Variants in GRIN3A observed in about 807,000 individuals in gnomAD.
GRIN3A encodes glutamate receptor ionotropic, NMDA 3A.
In GRIN3A, 47 loss-of-function variants were observed where a neutral mutation model predicts 92.4. The observed-to-expected ratio is 0.51, with a 90% confidence interval of 0.40 to 0.65. The LOEUF (loss-of-function observed/expected upper bound fraction) is 0.65. Ranked by LOEUF, GRIN3A falls within the 30% of genes least tolerant of loss-of-function variation. The pLI, the probability that GRIN3A is intolerant of heterozygous loss-of-function variation, is 0.00. For synonymous variants in GRIN3A, 527 were observed against 540.6 expected (o/e 0.97, Z 0.35); for missense variants, 1,324 against 1,393.1 (o/e 0.95, Z 0.79).
intron 1 of GRIN3A, among the ~76,000 whole-genome samples, chr9:101,724,337 C>T (rs991939204): frequency 1.6e-4 from 25 of 152,208 alleles, no homozygotes; most frequent in Non-Finnish European, 3.2e-4. Context: ...CCCAGTACGC[C>T]CTCCGCAGCC....
intron 1 of GRIN3A, among the ~76,000 whole-genome samples, chr9:101,721,596 G>C (rs971108167): frequency 1.3e-5 from 2 of 152,110 alleles, no homozygotes; most frequent in Non-Finnish European, 2.9e-5. Context: ...GAAAGGCTTC[G>C]ACAAAAATTT....
At chr9:101,616,888 T>TAAAAAAAAAAAA (rs75080539) in intron 5 of GRIN3A, among the ~76,000 whole-genome samples, 1 of 101,436 alleles carries the variant, frequency 9.9e-6, no homozygotes, top group Non-Finnish European at 1.9e-5. Flanking sequence ...ACTTAAAGTA[T>TAAAAAAAAAAAA]AAAAAAAAAA....
chr9:101,631,876 A>G (rs1361724195), intron 3 of GRIN3A, among the ~76,000 whole-genome samples: 1 of 152,164 alleles, frequency 6.6e-6, no homozygotes, highest in Non-Finnish European at 1.5e-5. Flanking sequence ...TGTCATCCAC[A>G]TATTCCCTTT....
At chr9:101,699,384 A>T (rs1259657203) in intron 1 of GRIN3A, among the ~76,000 whole-genome samples, 2 of 152,216 alleles carry the variant, frequency 1.3e-5, no homozygotes, top group African/African-American at 4.8e-5. Context: ...ACTTAAAAAA[A>T]ATAAGTAGAA....
intron 2 of GRIN3A, among the ~76,000 whole-genome samples, chr9:101,679,203 A>G (rs1205781293): frequency 1.3e-5 from 2 of 152,222 alleles, no homozygotes; most frequent in African/African-American, 4.8e-5. Flanking sequence ...TGAAAATCAG[A>G]GTAGAGCTTC....
At chr9:101,588,314 G>C (rs1827974723) in intron 6 of GRIN3A, among the ~76,000 whole-genome samples, 1 of 152,212 alleles carries the variant, frequency 6.6e-6, no homozygotes, top group Non-Finnish European at 1.5e-5. Flanking sequence ...AATCCAGGGA[G>C]ACACTGCATG....
At chr9:101,689,963 A>G (rs1829594151) in intron 1 of GRIN3A, among the ~76,000 whole-genome samples, 1 of 152,190 alleles carries the variant, frequency 6.6e-6, no homozygotes, top group Admixed American at 6.5e-5. Flanking sequence ...TTTAAAAGTA[A>G]TTTCCATATT....
chr9:101,662,037 T>C (rs1256464132), intron 3 of GRIN3A, among the ~76,000 whole-genome samples: 1 of 146,872 alleles, frequency 6.8e-6, no homozygotes. Flanking sequence ...ATTTTAAGGT[T>C]ACTTATATAT....
intron 1 of GRIN3A, among the ~76,000 whole-genome samples, chr9:101,721,654 A>T (rs1830014491): frequency 6.6e-6 from 1 of 152,180 alleles, no homozygotes; most frequent in African/African-American, 2.4e-5. Flanking sequence ...GTCTCAGTTG[A>T]AGATGAGCAC....
chr9:101,615,647 GC>G (rs1208647479), intron 5 of GRIN3A, among the ~76,000 whole-genome samples: 3 of 152,058 alleles, frequency 2.0e-5, no homozygotes, highest in Non-Finnish European at 4.4e-5. Flanking sequence ...GAACCACTGC[GC>G]CCGGCCTATT....
At chr9:101,624,217 T>A (rs959481294) in intron 4 of GRIN3A, among the ~76,000 whole-genome samples, 5 of 151,576 alleles carry the variant, frequency 3.3e-5, no homozygotes, top group African/African-American at 1.2e-4. Flanking sequence ...AAATTTTTTT[T>A]ATTTTTTTAT....
intron 1 of GRIN3A, among the ~76,000 whole-genome samples, chr9:101,705,396 C>T (rs1829803287): frequency 6.6e-6 from 1 of 152,118 alleles, no homozygotes; most frequent in South Asian, 2.1e-4. Context: ...ACCTCTCCCG[C>T]CTCCACCTTC....
At chr9:101,638,216 A>G (rs942418957) in intron 3 of GRIN3A, among the ~76,000 whole-genome samples, 6 of 152,142 alleles carry the variant, frequency 3.9e-5, no homozygotes, top group Non-Finnish European at 5.9e-5. Context: ...ATGGTCTCCA[A>G]CTGAAGTATC....
At chr9:101,603,438 C>T (rs1051981264) in intron 6 of GRIN3A, among the ~76,000 whole-genome samples, 1 of 152,084 alleles carries the variant, frequency 6.6e-6, no homozygotes, top group African/African-American at 2.4e-5. Flanking sequence ...ATTATTATTC[C>T]CGGGTTTGGA....
chr9:101,617,123 C>T (rs1053080070), intron 5 of GRIN3A, among the ~76,000 whole-genome samples: 5 of 148,246 alleles, frequency 3.4e-5, no homozygotes, highest in Admixed American at 6.7e-5. Context: ...TGGCGTGAAC[C>T]CGGGAAGCGG....
At chr9:101,633,318 A>C (rs1231905048) in intron 3 of GRIN3A, among the ~76,000 whole-genome samples, 2 of 152,156 alleles carry the variant, frequency 1.3e-5, no homozygotes, top group Non-Finnish European at 2.9e-5. Flanking sequence ...GCTATTCCTA[A>C]CTTGCCTAGT....
At chr9:101,732,552 TTTTG>T (rs893870544) in intron 1 of GRIN3A, among the ~76,000 whole-genome samples, 8 of 152,276 alleles carry the variant, frequency 5.3e-5, no homozygotes, top group African/African-American at 9.6e-5. Context: ...GAACCTAGTT[TTTTG>T]TTTGTTTGTT....
intron 2 of GRIN3A, among the ~76,000 whole-genome samples, chr9:101,674,282 TA>T (rs1484374657): frequency 6.6e-6 from 1 of 152,114 alleles, no homozygotes; most frequent in African/African-American, 2.4e-5. Context: ...TTGCTAGTTA[TA>T]TAGGACATAG....
intron 4 of GRIN3A, among the ~76,000 whole-genome samples, chr9:101,624,738 C>T (rs1464894444): frequency 1.3e-5 from 2 of 151,906 alleles, no homozygotes; most frequent in South Asian, 2.1e-4. Flanking sequence ...GGGTATATAC[C>T]CAGTAATGGG....
Sources: gnomAD v4.1 joint callset for allele counts (sites outside exome capture counted in the v4.1 genomes callset) on GRCh38, gnomAD v4.1.1 for gene constraint, MANE v1.5 for transcripts, NCBI Gene and HGNC (gene_info 2026-07-23, HGNC 2026-07-21) for gene names.